Variants in ZCCHC14 observed in about 807,000 individuals in gnomAD.
ZCCHC14 encodes the protein zinc finger CCHC-type containing 14, also known as zinc finger CCHC domain-containing protein 14.
In ZCCHC14, 16 loss-of-function variants were observed where a neutral mutation model predicts 85.0. The ratio of observed to expected loss-of-function variants is 0.19; its 90% CI spans 0.13 to 0.29. ZCCHC14 has a LOEUF of 0.29. Among genes scored for constraint, ZCCHC14 ranks in the 10% least tolerant of loss-of-function variants. ZCCHC14 has a pLI of 1.00. For synonymous variants in ZCCHC14, 775 were observed against 630.7 expected (o/e 1.23, Z -3.43); for missense variants, 1,303 against 1,443.5 (o/e 0.90, Z 1.58).
At chr16:87,484,053 C>CTGTG (rs1434050651) in intron 1 of ZCCHC14, among the ~76,000 whole-genome samples, 1 of 152,180 alleles carries the variant, frequency 6.6e-6, no homozygotes, top group Non-Finnish European at 1.5e-5. Context: ...CAGGAGGCAC[C>CTGTG]TGTGTGTGCA....
In ZCCHC14 at chr16:87,492,907, CGCGGCGGCGGCGGCGACG is replaced by C. The variant is rs1343606139; in HGVS notation, c.-687_-670del. Among the ~76,000 whole-genome samples the C allele has an allele frequency of 6.8e-6, 1 of 147,986 alleles. No individual in the cohort carries two copies. The highest frequency in any genetic ancestry group is 1.5e-5 in the Non-Finnish European group (1 of 66,656). ...CGCGGCGGACGGATCCGGGCCCGAGCGCGGCGGCGGCGGCGACGGCGACGGCGACGGCGACGGCGACGG... is the reference window on the plus strand; with the variant it reads ...CGCGGCGGACGGATCCGGGCCCGAGCGCGACGGCGACGGCGACGGCGACGG... On this transcript the variant is annotated 5_prime_UTR_variant, in exon 1 of 13. Coordinates refer to ENST00000671377, the MANE Select transcript of ZCCHC14 (RefSeq NM_015144.3). This position sits in a 1 kb window ranked among gnomAD's most constrained non-coding sequence, Gnocchi z 6.7.
chr16:87,453,518 G>T (rs189950645), intron 2 of ZCCHC14, among the ~76,000 whole-genome samples: 1 of 152,180 alleles, frequency 6.6e-6, no homozygotes, highest in African/African-American at 2.4e-5. Flanking sequence ...CAAGGAGAGC[G>T]TCCCAGACAA....
chr16:87,431,011 G>A (rs1229502093), intron 3 of ZCCHC14, among the ~76,000 whole-genome samples: 1 of 152,070 alleles, frequency 6.6e-6, no homozygotes, highest in Non-Finnish European at 1.5e-5. Context: ...ATGGTGGCAT[G>A]TGCCTGTGGT....
chr16:87,440,047 T>A (rs912058421), intron 2 of ZCCHC14, among the ~76,000 whole-genome samples: 2 of 152,160 alleles, frequency 1.3e-5, no homozygotes, highest in Non-Finnish European at 2.9e-5. Flanking sequence ...GCTCCAGCAA[T>A]CCTCCTGCCT....
chr16:87,484,576 C>T (rs902231308), intron 1 of ZCCHC14, among the ~76,000 whole-genome samples: 79 of 152,198 alleles, frequency 5.2e-4, no homozygotes, highest in African/African-American at 1.8e-3. Flanking sequence ...CTTGAAAGAA[C>T]ATGTGAACAT....
intron 1 of ZCCHC14, among the ~76,000 whole-genome samples, chr16:87,487,696 A>C (rs1201318878): frequency 6.6e-6 from 1 of 152,238 alleles, no homozygotes; most frequent in Admixed American, 6.5e-5. Context: ...TTAACCATGA[A>C]GACAAAAGTC....
intron 1 of ZCCHC14, among the ~76,000 whole-genome samples, chr16:87,482,585 A>T (rs913120573): frequency 1.3e-5 from 2 of 150,938 alleles, no homozygotes; most frequent in African/African-American, 5.0e-5. Flanking sequence ...AAAACGAACG[A>T]GAGGTAAGAA....
intron 7 of ZCCHC14, 145 bp from the exon 8 acceptor site, chr16:87,417,887 C>A (rs929835866): frequency 6.2e-6 from 6 of 967,376 alleles, no homozygotes; most frequent in Non-Finnish European, 8.9e-6. Context: ...GAACTGCCAA[C>A]ACTGCTGTGC....
chr16:87,439,715 A>T (rs1287696633), intron 2 of ZCCHC14, among the ~76,000 whole-genome samples: 1 of 152,230 alleles, frequency 6.6e-6, no homozygotes. Flanking sequence ...AAGTTACATT[A>T]AAAAACCACA....
Position 87,412,859 on chromosome 16 carries a change from C to G in ZCCHC14, c.1862G>C (p.Ser621Thr), listed in dbSNP as rs1434039643. The G allele has an allele frequency of 1.9e-6, 3 of 1,608,078 alleles. No homozygotes were observed. In the African/African-American group the frequency reaches 4.0e-5, roughly 21 times the overall value. Residue 621 changes from serine to threonine, a missense_variant, in exon 12 of 13, where the codon AGC becomes ACC. By Grantham distance (58) the Ser-to-Thr change is moderately conservative. Transcript: ENST00000671377. ...GGGGTGGTGGCCTGATGGATTGGAGCTGGCCTCATTCTGCACAGGGAGAAC... is the reference window on the plus strand; with the variant it reads ...GGGGTGGTGGCCTGATGGATTGGAGGTGGCCTCATTCTGCACAGGGAGAAC... Reference protein sequence around the residue: ...AQVLPVQNEASSNPSGHHPLP... With the variant: ...AQVLPVQNEATSNPSGHHPLP...
At chr16:87,487,745 C>A (rs11866207) in intron 1 of ZCCHC14, among the ~76,000 whole-genome samples, 4 of 152,236 alleles carry the variant, frequency 2.6e-5, no homozygotes, top group African/African-American at 9.6e-5. Context: ...AAGGTCCACC[C>A]GCTGAAGAAT....
chr16:87,468,884 TA>T (rs1234320843), intron 1 of ZCCHC14, among the ~76,000 whole-genome samples: 1 of 152,160 alleles, frequency 6.6e-6, no homozygotes, highest in African/African-American at 2.4e-5. Context: ...TGATACAGTT[TA>T]TTTTCCCTAA....
chr16:87,417,410 T>C (rs768811705), intron 8 of ZCCHC14, 50 bp downstream of exon 8: 1 of 1,592,210 alleles, frequency 6.3e-7, no homozygotes, highest in South Asian at 1.1e-5. Context: ...AGGGAGGTCT[T>C]GAGTAAACAA....
At chr16:87,411,285 A>C in intron 12 of ZCCHC14, 1 of 1,304,600 alleles carries the variant, frequency 7.7e-7, no homozygotes, top group South Asian at 1.5e-5. Flanking sequence ...CACACTGGCT[A>C]AGCACCTTCT....
rs1912849868 is a variant in ZCCHC14, at chr16:87,492,928, GAC to G, written c.-692_-691del. On this transcript the variant is annotated 5_prime_UTR_variant, in exon 1 of 13. Coordinates refer to ENST00000671377, the MANE Select transcript of ZCCHC14 (RefSeq NM_015144.3). The surrounding 1 kb of genome is among the most constrained non-coding windows in gnomAD (Gnocchi z 6.7). Reference sequence around the variant, plus strand: ...CGAGCGCGGCGGCGGCGGCGACGGCGACGGCGACGGCGACGGCGACGGCGGAG... The same window carrying G: ...CGAGCGCGGCGGCGGCGGCGACGGCGGGCGACGGCGACGGCGACGGCGGAG... 7.0e-6 allele frequency among the ~76,000 whole-genome samples: 1 copy of G among 142,928 alleles called. No individual in the cohort carries two copies. The highest frequency in any genetic ancestry group is 1.5e-5 in the Non-Finnish European group (1 of 66,712). The allele number at this position is 142,928 out of a possible 152,430, so 93.8% of individuals were successfully genotyped here.
At chr16:87,481,831 A>G (rs1649200389) in intron 1 of ZCCHC14, among the ~76,000 whole-genome samples, 1 of 152,186 alleles carries the variant, frequency 6.6e-6, no homozygotes, top group Non-Finnish European at 1.5e-5. Context: ...AGAATACCAC[A>G]GAGTAGGTAA....
At chr16:87,414,621 T>C (rs1597398990) in intron 9 of ZCCHC14, 80 bp from the exon 10 acceptor site, 1 of 1,515,476 alleles carries the variant, frequency 6.6e-7, no homozygotes, top group East Asian at 2.4e-5. Context: ...ACGGGTCTAC[T>C]CCACACCACA....
chr16:87,432,787 A>C (rs1363715949), intron 3 of ZCCHC14, among the ~76,000 whole-genome samples: 25 of 152,204 alleles, frequency 1.6e-4, no homozygotes, highest in Admixed American at 1.6e-3. Flanking sequence ...TTTCATCATC[A>C]GTCTCCAGAG....
Position 87,492,091 on chromosome 16 carries a change from C to T in ZCCHC14, c.148G>A (p.Asp50Asn), listed in dbSNP as rs2150783436. 2.9e-6 allele frequency: 4 copies of T among 1,391,182 alleles called. No individual in the cohort carries two copies. Among genetic ancestry groups the T allele is most frequent in the Non-Finnish European group, 2.8e-6 (3 of 1,079,584 alleles). 86.2% of individuals were successfully genotyped at this position (1,391,182 alleles called of 1,614,324 possible). ...GAGTGGTAGTCCTTGCGGGCCAGGT[C>T]CTCCAGGCACGAGCCGAGGAAGCGA... ...ELRFLGSCLE[D>N]LARKDYHSLR... The change falls in exon 1 of 13, where the codon GAC becomes AAC. Residue 50 changes from aspartate (D) to asparagine (N), a missense_variant. Transcript: ENST00000671377. The surrounding 1 kb of genome is among the most constrained non-coding windows in gnomAD (Gnocchi z 6.7).
Sources: allele counts gnomAD v4.1 joint callset (sites outside exome capture counted in the v4.1 genomes callset), GRCh38; gene constraint gnomAD v4.1.1; non-coding constraint Gnocchi (gnomAD v3.1); transcripts MANE v1.5; gene names NCBI Gene and HGNC (gene_info 2026-07-23, HGNC 2026-07-21).